Variants in MAP3K19 observed in about 807,000 individuals in gnomAD.
The protein encoded by MAP3K19 is mitogen-activated protein kinase kinase kinase 19, also known as SPS1/STE20-related protein kinase YSK4.
A neutral mutation model predicts 114.4 loss-of-function variants in MAP3K19; 91 were observed. The observed-to-expected ratio is 0.80, with a 90% confidence interval of 0.67 to 0.95. The LOEUF is 0.95. MAP3K19 is among the 40% of genes least tolerant of loss of function. The pLI is 0.00. For synonymous variants in MAP3K19, 518 were observed against 530.5 expected (o/e 0.98, Z 0.32); for missense variants, 1,471 against 1,573.2 (o/e 0.94, Z 1.10).
intron 12 of MAP3K19, among the ~76,000 whole-genome samples, chr2:134,975,683 G>C (rs1382544672): frequency 6.6e-6 from 1 of 152,166 alleles, no homozygotes; most frequent in African/African-American, 2.4e-5. Flanking sequence ...CTTCAGGCAG[G>C]TGGCTCTCAG....
chr2:134,987,541 G>C lies in MAP3K19; in HGVS notation c.1331C>G (p.Ser444Cys). The C allele has an allele frequency of 6.2e-7, 1 of 1,614,188 alleles. No individual in the cohort carries two copies. Among genetic ancestry groups the C allele is most frequent in the South Asian group, 1.1e-5 (1 of 91,082 alleles). ...LEECTVLKSL[S>C]SVVFDDPIDK... ...AATGGGGTCATCAAAGACTACACTG[G>C]ATAAGCTTTTAAGTACAGTACACTC... The change falls in exon 10 of 13, where the codon TCC (serine) becomes TGC (cysteine). Residue 444 changes from serine (S) to cysteine (C), a missense_variant. Physicochemically the swap from Ser to Cys is moderately radical, Grantham distance 112 (BLOSUM62 -1). Coordinates refer to ENST00000392915, the MANE Select transcript of MAP3K19 (RefSeq NM_025052.5).
At chr2:135,011,631 G>A (rs1687241606) in intron 5 of MAP3K19, among the ~76,000 whole-genome samples, 1 of 152,054 alleles carries the variant, frequency 6.6e-6, no homozygotes, top group South Asian at 2.1e-4. Context: ...TTAGGAGACA[G>A]AAGTGGGAGA....
Position 134,991,597 on chromosome 2 carries a change from A to G in MAP3K19, c.575-17T>C, listed in dbSNP as rs778098153. ...TCGAAAACTCTACAACAAGAAAAAC[A>G]ATAACTGGATATTCTTAGTAGTAGA... is the stretch of plus-strand genomic sequence containing the variant. On this transcript the variant is annotated splice_polypyrimidine_tract_variant and intron_variant, in intron 8 of 12. Transcript: ENST00000392915. 2 of 1,604,676 alleles carry G rather than the reference A, an allele frequency of 1.2e-6. No homozygotes were observed. The highest frequency in any genetic ancestry group is 1.7e-6 in the Non-Finnish European group (2 of 1,171,564).
At chr2:134,997,923 T>A (rs1053032795) in intron 8 of MAP3K19, among the ~76,000 whole-genome samples, 1 of 152,130 alleles carries the variant, frequency 6.6e-6, no homozygotes, top group Non-Finnish European at 1.5e-5. Context: ...TTTGGTAGGA[T>A]GTGTCACAGC....
rs911541872 is a variant in MAP3K19 at position 134,986,731 on chromosome 2, G to C, written c.2141C>G (p.Thr714Arg). 1 of 1,613,994 alleles carries C rather than the reference G, an allele frequency of 6.2e-7. No individual in the cohort carries two copies. Among genetic ancestry groups the C allele is most frequent in the African/African-American group, 1.3e-5 (1 of 74,914 alleles). The change falls in exon 10 of 13, where the codon ACA (threonine) becomes AGA (arginine). Residue 714 changes from threonine to arginine, a missense_variant. Thr to Arg is a moderately conservative substitution (Grantham distance 71, BLOSUM62 -1). Coordinates refer to ENST00000392915, the MANE Select transcript of MAP3K19 (RefSeq NM_025052.5). ...SHSERKSNIRTRLSQKKTHMK... is the reference protein window; with the variant it reads ...SHSERKSNIRRRLSQKKTHMK... ...ATGTGTTTTTTTCTGAGAAAGTCTT[G>C]TTCTGATATTGCTCTTCCTCTCACT...
Position 134,985,801 on chromosome 2 carries a change from T to C in MAP3K19, c.3071A>G (p.Gln1024Arg). ...ATCTTGGATTCTAATTATACCAACC[T>C]GTATTTTGACTTTTGTTGTCTCTCT... is the stretch of plus-strand genomic sequence containing the variant. ...MGRETTKVKI[Q>R]RHSSGLRIYD... Residue 1024 changes from glutamine (Q) to arginine (R), a missense_variant and splice_region_variant, in exon 10 of 13, where the codon CAG becomes CGG. Coordinates refer to ENST00000392915, the MANE Select transcript of MAP3K19 (RefSeq NM_025052.5). 1.9e-6 allele frequency: 3 copies of C among 1,596,832 alleles called. No homozygotes were observed. Among genetic ancestry groups the C allele is most frequent in the Non-Finnish European group, 2.6e-6 (3 of 1,172,440 alleles).
intron 5 of MAP3K19, among the ~76,000 whole-genome samples, chr2:135,009,249 GCCA>G (rs1412632676): frequency 6.6e-5 from 10 of 151,622 alleles, no homozygotes; most frequent in African/African-American, 2.4e-4. Context: ...ACAGGCACCT[GCCA>G]CCACGTCTGG....
At chr2:135,027,123 T>C (rs1247594638) in intron 3 of MAP3K19, among the ~76,000 whole-genome samples, 2 of 152,050 alleles carry the variant, frequency 1.3e-5, no homozygotes, top group African/African-American at 4.8e-5. Context: ...TATGTGCCTG[T>C]AGTTCCAGCT....
At chr2:135,027,082 C>A (rs13383310) in intron 3 of MAP3K19, among the ~76,000 whole-genome samples, 1 of 151,926 alleles carries the variant, frequency 6.6e-6, no homozygotes, top group East Asian at 1.9e-4. Context: ...TCCATCTCCA[C>A]AAAAAATTAA....
intron 2 of MAP3K19, among the ~76,000 whole-genome samples, chr2:135,031,552 T>C (rs1175609081): frequency 2.0e-5 from 3 of 152,162 alleles, no homozygotes; most frequent in Admixed American, 6.5e-5. Context: ...GGCTGTGTCT[T>C]CAGGGCAATA....
intron 2 of MAP3K19, among the ~76,000 whole-genome samples, chr2:135,035,240 T>G (rs1688501618): frequency 6.6e-6 from 1 of 151,758 alleles, no homozygotes; most frequent in African/African-American, 2.4e-5. Context: ...CTACAAAAAA[T>G]ACAAAAATTA....
At chr2:134,975,658 C>T (rs146131369) in intron 12 of MAP3K19, among the ~76,000 whole-genome samples, 12 of 152,204 alleles carry the variant, frequency 7.9e-5, no homozygotes, top group East Asian at 5.8e-4. Context: ...GCAGAGTTGC[C>T]GTCAGTGGCA....
Position 134,999,870 on chromosome 2 carries a change from G to T in MAP3K19, c.314+67C>A. ...ATGGATTCAATTACTAATAATGTAG[G>T]TTGCCATATGACTATCATTGCTTCA... On this transcript the variant is annotated intron_variant, in intron 7 of 12. Coordinates refer to ENST00000392915, the MANE Select transcript of MAP3K19 (RefSeq NM_025052.5). This position sits in a 1 kb window ranked among gnomAD's most constrained non-coding sequence, Gnocchi z 4.1. The T allele has an allele frequency of 3.0e-6, 3 of 1,000,122 alleles. No homozygotes were observed. The highest frequency in any genetic ancestry group is 3.2e-6 in the Non-Finnish European group (2 of 624,706). The allele number at this position is 1,000,122 out of a possible 1,614,324, so 62.0% of individuals were successfully genotyped here. A position where few individuals can be genotyped will look rare whatever the true frequency, so the allele number is the denominator to read the frequency against.
chr2:135,009,280 T>G (rs1687053840), intron 5 of MAP3K19, among the ~76,000 whole-genome samples: 1 of 152,122 alleles, frequency 6.6e-6, no homozygotes, highest in African/African-American at 2.4e-5. Context: ...TTCATTTTAT[T>G]ATATTTAATG....
chr2:134,981,775 A>G (rs975451996), intron 11 of MAP3K19, among the ~76,000 whole-genome samples: 6 of 152,032 alleles, frequency 3.9e-5, no homozygotes, highest in Non-Finnish European at 7.3e-5. Context: ...TCCTGGCTTC[A>G]TCTTTCCCCA....
chr2:134,976,645 G>C (rs1684251861), intron 12 of MAP3K19, among the ~76,000 whole-genome samples: 1 of 151,758 alleles, frequency 6.6e-6, no homozygotes, highest in Admixed American at 6.6e-5. Context: ...TAATAATTTT[G>C]AAAGCACAAT....
At position 134,964,492 on chromosome 2, in the gene MAP3K19, T is replaced by TG. The variant is rs1281329411; in HGVS notation, c.*357dup. The TG allele has an allele frequency of 6.3e-6, 1 of 158,882 alleles. No individual in the cohort carries two copies. Among genetic ancestry groups the TG allele is most frequent in the East Asian group, 1.8e-4 (1 of 5,596 alleles). The allele number at this position is 158,882 out of a possible 1,614,324, so 9.8% of individuals were successfully genotyped here. On this transcript the variant is annotated 3_prime_UTR_variant, in exon 13 of 13. Transcript: ENST00000392915. ...ACTCACCAAGCAAGAAAATATAAGT[T>TG]GTTTTTACAATTTATTTTAAACTAA...
chr2:135,002,870 C>A (rs984586386), intron 6 of MAP3K19, among the ~76,000 whole-genome samples: 1 of 152,156 alleles, frequency 6.6e-6, no homozygotes, highest in African/African-American at 2.4e-5. Context: ...TCCTGACAAT[C>A]CAACCTGGGG....
In MAP3K19 at chr2:134,987,770, A is replaced by G; in HGVS notation, c.1102T>C (p.Ser368Pro). Reference sequence around the variant, plus strand: ...ACTGAACTCTCATTCTTTCTTGATGAAAGATATTGAGAGTTCTCTTCTTCA... The same window carrying G: ...ACTGAACTCTCATTCTTTCTTGATGGAAGATATTGAGAGTTCTCTTCTTCA... ...KPEEENSQYLSSRKNESSVAK... is the reference protein window; with the variant it reads ...KPEEENSQYLPSRKNESSVAK... The change falls in exon 10 of 13, where the codon TCA becomes CCA. Residue 368 changes from serine to proline, a missense_variant. Coordinates refer to ENST00000392915, the MANE Select transcript of MAP3K19 (RefSeq NM_025052.5). 1 of 1,608,036 alleles carries G rather than the reference A, an allele frequency of 6.2e-7. No homozygotes were observed. Among genetic ancestry groups the G allele is most frequent in the Non-Finnish European group, 8.5e-7 (1 of 1,179,966 alleles).
Sources: gnomAD v4.1 joint callset for allele counts (sites outside exome capture counted in the v4.1 genomes callset) on GRCh38, gnomAD v4.1.1 for gene constraint, Gnocchi (gnomAD v3.1) non-coding constraint, MANE v1.5 for transcripts, NCBI Gene and HGNC (gene_info 2026-07-23, HGNC 2026-07-21) for gene names.